GPC6: variants seen among roughly 807,000 people sequenced by gnomAD.
GPC6 encodes glypican-6.
Under a neutral mutation model 55.2 loss-of-function variants are expected in GPC6, and 14 were observed. That is an observed-to-expected ratio of 0.25 (90% CI 0.17 to 0.40). GPC6 has a LOEUF of 0.40. Among genes scored for constraint, GPC6 ranks in the 10% least tolerant of loss-of-function variants. The probability of loss-of-function intolerance (pLI) is 1.00; values close to 1 mark genes in which losing one functional copy is unlikely to be tolerated. For missense variants in GPC6, 641 were observed against 708.5 expected (o/e 0.90, Z 1.08); for synonymous variants, 278 against 259.6 (o/e 1.07, Z -0.68).
At chr13:93,980,144 AC>A (rs1880728018) in intron 3 of GPC6, among the ~76,000 whole-genome samples, 1 of 152,236 alleles carries the variant, frequency 6.6e-6, no homozygotes, top group Middle Eastern at 3.4e-3. Context: ...AATCCACCAT[AC>A]AGTCAGCTTG....
At chr13:93,468,179 C>A (rs1187528575) in intron 1 of GPC6, among the ~76,000 whole-genome samples, 1 of 152,002 alleles carries the variant, frequency 6.6e-6, no homozygotes, top group Non-Finnish European at 1.5e-5. Flanking sequence ...TAAAATTTTT[C>A]ATTTTATGCC....
At chr13:94,043,870 G>A (rs905996715) in intron 4 of GPC6, among the ~76,000 whole-genome samples, 11 of 151,606 alleles carry the variant, frequency 7.3e-5, no homozygotes, top group African/African-American at 2.4e-4. Flanking sequence ...AAATTACTTA[G>A]GTTAGTTATG....
intron 2 of GPC6, among the ~76,000 whole-genome samples, chr13:93,554,877 A>C (rs1213392786): frequency 6.6e-6 from 1 of 152,192 alleles, no homozygotes; most frequent in Non-Finnish European, 1.5e-5. Flanking sequence ...AGAATGTGCC[A>C]TTTGTTATTC....
chr13:94,238,683 C>A (rs544286350), intron 4 of GPC6, among the ~76,000 whole-genome samples: 1 of 152,016 alleles, frequency 6.6e-6, no homozygotes, highest in African/African-American at 2.4e-5. Flanking sequence ...GAATAAGCAC[C>A]GTGTGAGAAA....
chr13:93,572,865 A>G (rs1412797339), intron 2 of GPC6, among the ~76,000 whole-genome samples: 1 of 152,096 alleles, frequency 6.6e-6, no homozygotes, highest in Non-Finnish European at 1.5e-5. Flanking sequence ...AATTCCTTGT[A>G]TCTCATGACT....
chr13:93,259,672 C>T (rs1245554569), intron 1 of GPC6, among the ~76,000 whole-genome samples: 1 of 152,112 alleles, frequency 6.6e-6, no homozygotes, highest in East Asian at 1.9e-4. Context: ...GGGTAGGAGA[C>T]ATCCATCTCA....
chr13:94,301,890 T>C (rs1273528077), intron 5 of GPC6, among the ~76,000 whole-genome samples: 3 of 152,236 alleles, frequency 2.0e-5, no homozygotes, highest in Non-Finnish European at 4.4e-5. Context: ...TATTTCTCAA[T>C]TGTTTTTTTC....
intron 4 of GPC6, among the ~76,000 whole-genome samples, chr13:94,201,356 G>A (rs556985132): frequency 1.5e-3 from 226 of 152,128 alleles, no homozygotes; most frequent in African/African-American, 5.0e-3. Context: ...TGTCAATAAC[G>A]AAAAACAGGA....
intron 3 of GPC6, among the ~76,000 whole-genome samples, chr13:93,961,136 C>T (rs1879756653): frequency 6.6e-6 from 1 of 152,104 alleles, no homozygotes; most frequent in African/African-American, 2.4e-5. Flanking sequence ...TTTTAATCTT[C>T]CCAACTGGTT....
intron 3 of GPC6, among the ~76,000 whole-genome samples, chr13:93,916,024 G>C (rs1258729740): frequency 6.6e-6 from 1 of 152,004 alleles, no homozygotes; most frequent in African/African-American, 2.4e-5. Flanking sequence ...ACCTCTCCAG[G>C]AAGTGTTTTC....
intron 2 of GPC6, among the ~76,000 whole-genome samples, chr13:93,561,193 T>C (rs1177627506): frequency 6.6e-6 from 1 of 152,012 alleles, no homozygotes; most frequent in Admixed American, 6.6e-5. Flanking sequence ...ATAGCCAACA[T>C]TTCACATTCA....
At chr13:93,537,682 T>C (rs1462235923) in intron 1 of GPC6, among the ~76,000 whole-genome samples, 1 of 152,158 alleles carries the variant, frequency 6.6e-6, no homozygotes, top group Non-Finnish European at 1.5e-5. Context: ...AAATATCTAC[T>C]TTAATGAAAA....
At chr13:93,500,848 T>C (rs1255481354) in intron 1 of GPC6, among the ~76,000 whole-genome samples, 1 of 152,092 alleles carries the variant, frequency 6.6e-6, no homozygotes. Flanking sequence ...TGTTGCCCAA[T>C]CTCTCCCACA....
At chr13:94,034,162 A>G (rs1021220463) in intron 4 of GPC6, among the ~76,000 whole-genome samples, 2 of 150,544 alleles carry the variant, frequency 1.3e-5, no homozygotes, top group African/African-American at 4.9e-5. Context: ...GGCAGGATGC[A>G]TAAGCCGTAC....
In GPC6 at chr13:94,401,348, C is replaced by A. The variant is rs181626637; in HGVS notation, c.1466-1667C>A. Among the ~76,000 whole-genome samples the A allele has an allele frequency of 8.5e-5, 13 of 152,162 alleles. No homozygotes were observed. The East Asian group carries it at 1.9e-3, about 23-fold the overall frequency. Reference sequence around the variant, plus strand: ...GCACGTAAATAATACCACCTCCAAGCGGTGAAAAGTACTTTCATAAAGCTA... The same window carrying A: ...GCACGTAAATAATACCACCTCCAAGAGGTGAAAAGTACTTTCATAAAGCTA... On this transcript the variant is annotated intron_variant, in intron 8 of 8. Coordinates refer to ENST00000377047, the MANE Select transcript of GPC6 (RefSeq NM_005708.5).
chr13:94,017,935 C>A (rs1288136136), intron 3 of GPC6, among the ~76,000 whole-genome samples: 1 of 152,078 alleles, frequency 6.6e-6, no homozygotes, highest in Non-Finnish European at 1.5e-5. Flanking sequence ...CTCAGCCTCC[C>A]AAAGTGGCTA....
intron 1 of GPC6, among the ~76,000 whole-genome samples, chr13:93,294,273 A>G (rs941649778): frequency 2.0e-5 from 3 of 152,192 alleles, no homozygotes; most frequent in Admixed American, 6.5e-5. Context: ...CAATAAGAAA[A>G]TAATAATAAT....
chr13:93,360,716 T>TC (rs1321672274), intron 1 of GPC6, among the ~76,000 whole-genome samples: 2 of 152,188 alleles, frequency 1.3e-5, no homozygotes, highest in Non-Finnish European at 2.9e-5. Context: ...GTTGATGAGT[T>TC]ATCAGTGGAT....
At position 93,939,348 on chromosome 13, in the gene GPC6, G is replaced by T. The variant is rs567084842; in HGVS notation, c.712-88381G>T. Among the ~76,000 whole-genome samples the T allele has an allele frequency of 5.3e-5, 8 of 150,978 alleles. No individual in the cohort carries two copies. The East Asian group carries it at 1.4e-3, about 26-fold the overall frequency. On this transcript the variant is annotated intron_variant, in intron 3 of 8. Transcript: ENST00000377047. Reference sequence around the variant, plus strand: ...TATAAAACTAGACGTAAACCTAGGAGGCGGAGCTTGCAGTGAGCCGAGATG... The same window carrying T: ...TATAAAACTAGACGTAAACCTAGGATGCGGAGCTTGCAGTGAGCCGAGATG...
Sources: allele counts gnomAD v4.1 joint callset (sites outside exome capture counted in the v4.1 genomes callset), GRCh38; gene constraint gnomAD v4.1.1; transcripts MANE v1.5; gene names NCBI Gene and HGNC (gene_info 2026-07-23, HGNC 2026-07-21).